IQGAP1: variants seen among roughly 807,000 people sequenced by gnomAD.
IQGAP1 encodes the protein ras GTPase-activating-like protein IQGAP1.
IQGAP1 carries 66 observed loss-of-function variants against 215.6 expected under a neutral mutation model. The ratio of observed to expected loss-of-function variants is 0.31; its 90% CI spans 0.25 to 0.38. IQGAP1 has a LOEUF of 0.38. Ranked by LOEUF, IQGAP1 falls within the 10% of genes least tolerant of loss-of-function variation. IQGAP1 has a pLI of 1.00. For synonymous variants in IQGAP1, 772 were observed against 728.7 expected (o/e 1.06, Z -0.96); for missense variants, 1,712 against 1,997.1 (o/e 0.86, Z 2.72).
chr15:90,474,757 C>T, intron 23 of IQGAP1, 64 bp downstream of exon 23: 1 of 1,238,202 alleles, frequency 8.1e-7, no homozygotes, highest in Non-Finnish European at 1.2e-6. Flanking sequence ...CCTGCATTCC[C>T]CTTTCTGACT....
At chr15:90,466,611 C>T (rs187879844) in intron 17 of IQGAP1, among the ~76,000 whole-genome samples, 175 bp downstream of exon 17, 31 of 150,872 alleles carry the variant, frequency 2.1e-4, no homozygotes, top group African/African-American at 5.6e-4. Flanking sequence ...CTTCCCCCCC[C>T]CCTTGTGGAC....
At chr15:90,493,602 A>G (rs1966235473) in intron 35 of IQGAP1, among the ~76,000 whole-genome samples, 1 of 152,264 alleles carries the variant, frequency 6.6e-6, no homozygotes, top group South Asian at 2.1e-4. Flanking sequence ...ATAAGCACCC[A>G]TGTGCCCTTC....
Position 90,441,697 on chromosome 15 carries a change from C to A in IQGAP1, c.828+13C>A, listed in dbSNP as rs773503651. 3 of 1,556,098 alleles carry A rather than the reference C, an allele frequency of 1.9e-6. No individual in the cohort carries two copies. Among genetic ancestry groups the A allele is most frequent in the South Asian group, 1.1e-5 (1 of 87,392 alleles). On this transcript the variant is annotated intron_variant, in intron 8 of 37. Transcript: ENST00000268182. ...TGCTAAAAACAGGGTAAAAATGCAA[C>A]ATCTATTCTTTCTAATTAATTTATA...
intron 2 of IQGAP1, among the ~76,000 whole-genome samples, chr15:90,395,509 A>T (rs990826664): frequency 6.6e-6 from 1 of 151,940 alleles, no homozygotes; most frequent in Non-Finnish European, 1.5e-5. Flanking sequence ...TTTAGTAGAG[A>T]CGGGGTTTCA....
intron 15 of IQGAP1, among the ~76,000 whole-genome samples, chr15:90,460,196 TAGAC>T (rs913598854): frequency 1.3e-5 from 2 of 152,190 alleles, no homozygotes; most frequent in Non-Finnish European, 2.9e-5. Context: ...GGCTTCTCCA[TAGAC>T]AGAGCAGCCC....
intron 2 of IQGAP1, among the ~76,000 whole-genome samples, chr15:90,394,375 TTAGATTGTAAAC>T (rs1464252360): frequency 3.9e-5 from 6 of 152,070 alleles, no homozygotes; most frequent in Admixed American, 1.3e-4. Context: ...AAGCACCTAT[TTAGATTGTAAAC>T]TAGAGAGGAC....
chr15:90,421,475 CAAA>C (rs201106789), intron 2 of IQGAP1, among the ~76,000 whole-genome samples: 5 of 95,224 alleles, frequency 5.3e-5, no homozygotes, highest in South Asian at 6.3e-4. Context: ...GACTCCGTTT[CAAA>C]AAAAAAAAAA....
rs1236749080 is a variant in IQGAP1, at chr15:90,502,047, G to A, written c.*1939G>A. ...AAACTCATGGCGTTGAAACCACACA[G>A]TTCTCATTACTGTTATTTATTAGCT... On this transcript the variant is annotated 3_prime_UTR_variant, in exon 38 of 38. Transcript: ENST00000268182. The A allele has an allele frequency of 6.6e-6, 1 of 152,640 alleles. No homozygotes were observed. The highest frequency in any genetic ancestry group is 1.5e-5 in the Non-Finnish European group (1 of 68,040). 9.5% of individuals were successfully genotyped at this position (152,640 alleles called of 1,614,324 possible).
chr15:90,430,940 A>G (rs1965293534), intron 4 of IQGAP1, among the ~76,000 whole-genome samples: 1 of 148,174 alleles, frequency 6.7e-6, no homozygotes, highest in South Asian at 2.1e-4. Flanking sequence ...TATATGACTT[A>G]TACAATATAT....
intron 2 of IQGAP1, among the ~76,000 whole-genome samples, chr15:90,396,728 A>T (rs1404075430): frequency 6.6e-6 from 1 of 152,182 alleles, no homozygotes; most frequent in Non-Finnish European, 1.5e-5. Flanking sequence ...AAGTGTATTT[A>T]TTAAAAGTGG....
At chr15:90,395,092 A>G (rs1013184421) in intron 2 of IQGAP1, among the ~76,000 whole-genome samples, 7 of 152,152 alleles carry the variant, frequency 4.6e-5, no homozygotes, top group African/African-American at 7.2e-5. Context: ...GAAAATGTAG[A>G]GATTTCTGCT....
At chr15:90,459,998 C>T (rs189465161) in intron 15 of IQGAP1, among the ~76,000 whole-genome samples, 202 of 151,952 alleles carry the variant, frequency 1.3e-3, no homozygotes, top group Middle Eastern at 6.8e-3. Flanking sequence ...AGTGAGGCCA[C>T]GTGGTCCGGA....
Position 90,454,570 on chromosome 15 carries a change from C to T in IQGAP1, c.1612+18C>T. ...ACATGAGAGTGAGTTATCTTCCTGTCCTCCCCAAATAATGTCACCATTAAT... is the reference window on the plus strand; with the variant it reads ...ACATGAGAGTGAGTTATCTTCCTGTTCTCCCCAAATAATGTCACCATTAAT... On this transcript the variant is annotated intron_variant, in intron 14 of 37. Coordinates refer to ENST00000268182, the MANE Select transcript of IQGAP1 (RefSeq NM_003870.4). 6.6e-7 allele frequency: 1 copy of T among 1,525,996 alleles called. No individual in the cohort carries two copies. Among genetic ancestry groups the T allele is most frequent in the Non-Finnish European group, 8.8e-7 (1 of 1,138,680 alleles). 94.5% of individuals were successfully genotyped at this position (1,525,996 alleles called of 1,614,324 possible).
chr15:90,496,593 T>G (rs566689937), intron 36 of IQGAP1: 1 of 152,366 alleles, frequency 6.6e-6, no homozygotes, highest in Non-Finnish European at 1.5e-5. Flanking sequence ...AGTGCTGGGA[T>G]TACAGATGTG....
At chr15:90,449,956 G>A (rs562994409) in intron 11 of IQGAP1, among the ~76,000 whole-genome samples, 1 of 152,300 alleles carries the variant, frequency 6.6e-6, no homozygotes, top group African/African-American at 2.4e-5. Flanking sequence ...GATCAAATCA[G>A]GGTAATTGGA....
At chr15:90,392,687 G>A (rs1425412165) in intron 2 of IQGAP1, among the ~76,000 whole-genome samples, 3 of 150,822 alleles carry the variant, frequency 2.0e-5, no homozygotes, top group Non-Finnish European at 4.4e-5. Context: ...ATTTAATGAA[G>A]AAACTGAAGC....
chr15:90,495,825 G>C (rs1966265160), intron 36 of IQGAP1, among the ~76,000 whole-genome samples: 2 of 150,322 alleles, frequency 1.3e-5, no homozygotes, highest in Non-Finnish European at 3.0e-5. Context: ...TTTTAGTAGA[G>C]ATGGGGTTTC....
At chr15:90,470,924 G>A (rs962096290) in intron 18 of IQGAP1, among the ~76,000 whole-genome samples, 1 of 151,258 alleles carries the variant, frequency 6.6e-6, no homozygotes, top group Non-Finnish European at 1.5e-5. Context: ...TTCCTTTCTC[G>A]ACCTCTGCTT....
chr15:90,426,090 TCC>T lies in IQGAP1; in HGVS notation c.156-19_156-18del. ...CTGACCTTCCCTTTCTTTTTTTGCA[TCC>T]TCTCTCCTTTGGTGCAGGTGGATGG... On this transcript the variant is annotated intron_variant, in intron 2 of 37. Coordinates refer to ENST00000268182, the MANE Select transcript of IQGAP1 (RefSeq NM_003870.4). 6.3e-7 allele frequency: 1 copy of T among 1,579,434 alleles called. No homozygotes were observed. The highest frequency in any genetic ancestry group is 8.6e-7 in the Non-Finnish European group (1 of 1,168,374).
Sources: allele counts gnomAD v4.1 joint callset (sites outside exome capture counted in the v4.1 genomes callset), GRCh38; gene constraint gnomAD v4.1.1; transcripts MANE v1.5; gene names NCBI Gene and HGNC (gene_info 2026-07-23, HGNC 2026-07-21).